The following PARP9 variants were observed in gnomAD, a reference collection of about 807,000 sequenced individuals.
The protein encoded by PARP9 is poly(ADP-ribose) polymerase family member 9.
In PARP9, 48 loss-of-function variants were observed where a neutral mutation model predicts 68.8. The ratio of observed to expected loss-of-function variants is 0.70; its 90% CI spans 0.55 to 0.89. The LOEUF (loss-of-function observed/expected upper bound fraction) is 0.89, where lower values mean the gene tolerates loss of function less well. PARP9 is among the 40% of genes least tolerant of loss of function. PARP9 has a pLI of 0.00. For missense variants in PARP9, 806 were observed against 969.3 expected (o/e 0.83, Z 2.24); for synonymous variants, 309 against 333.8 (o/e 0.93, Z 0.81).
rs780243506 is a variant in PARP9, at chr3:122,550,571, G to C, written c.1326+13C>G. The C allele has an allele frequency of 1.9e-6, 3 of 1,571,270 alleles. No homozygotes were observed. The highest frequency in any genetic ancestry group is 2.6e-6 in the Non-Finnish European group (3 of 1,144,084). ...TGAATGAACAGTAGGACATTTCTAA[G>C]ATATTAACTTACCTTATATATCTCC... On this transcript the variant is annotated intron_variant, in intron 6 of 10. Coordinates refer to ENST00000682323, the MANE Select transcript of PARP9 (RefSeq NM_001146105.2).
chr3:122,535,287 C>G (rs2077560079), intron 10 of PARP9: 2 of 985,328 alleles, frequency 2.0e-6, no homozygotes, highest in Middle Eastern at 5.2e-4. Context: ...CAGTAATTGT[C>G]TATGTTCAAC....
At chr3:122,543,715 G>A (rs1352190352) in intron 7 of PARP9, among the ~76,000 whole-genome samples, 1 of 152,176 alleles carries the variant, frequency 6.6e-6, no homozygotes, top group Non-Finnish European at 1.5e-5. Context: ...GGGCTTAGGT[G>A]ATCCTCCCAT....
chr3:122,530,963 C>T (rs2077267146), intron 10 of PARP9, among the ~76,000 whole-genome samples: 1 of 152,134 alleles, frequency 6.6e-6, no homozygotes, highest in East Asian at 1.9e-4. Context: ...CTCTAGTAGC[C>T]ACATTTTAAA....
upstream of PARP9, chr3:122,564,368 C>T: frequency 5.2e-6 from 8 of 1,532,958 alleles, no homozygotes; most frequent in South Asian, 9.6e-5. Context: ...CAGGGCGGGC[C>T]GCGCCTTTAC....
At chr3:122,543,579 T>C (rs772857837) in intron 7 of PARP9, among the ~76,000 whole-genome samples, 13 of 151,958 alleles carry the variant, frequency 8.6e-5, no homozygotes, top group Non-Finnish European at 1.5e-4. Flanking sequence ...GCCCGGCCCT[T>C]CCTAAATAGT....
intron 3 of PARP9, 196 bp downstream of exon 3, chr3:122,558,238 T>G: frequency 6.9e-7 from 1 of 1,439,088 alleles, no homozygotes; most frequent in East Asian, 2.3e-5. Flanking sequence ...AGAGGAATGG[T>G]GTAGGCCTTG....
chr3:122,558,096 C>A lies in PARP9; in HGVS notation c.49+338G>T, dbSNP rs56751090. On this transcript the variant is annotated intron_variant, in intron 3 of 10. Transcript: ENST00000682323. The stretch of plus-strand genomic sequence containing the variant: ...TTGGTTGAAAATCTTTAATGGGGGA[C>A]CCCTGGAATTAGGCCAGAACTATTT... Among the ~76,000 whole-genome samples the A allele has an allele frequency of 1.4e-4, 22 of 152,276 alleles. No individual in the cohort carries two copies. In the East Asian group the frequency reaches 2.3e-3, roughly 16 times the overall value.
chr3:122,534,465 G>C, intron 10 of PARP9: 1 of 981,884 alleles, frequency 1.0e-6, no homozygotes, highest in Non-Finnish European at 1.2e-6. Context: ...TGAGCCAGTG[G>C]CTGTTGTGTG....
Position 122,556,301 on chromosome 3 carries a change from C to T in PARP9, c.50-180G>A, listed in dbSNP as rs9859250. 1.5e-3 allele frequency among the ~76,000 whole-genome samples: 229 copies of T among 151,830 alleles called. 4 individuals are homozygous for T. The highest frequency in any genetic ancestry group is 5.1e-3 in the African/African-American group (212 of 41,374). ...CTCAACTACACATATAATTAGACCA[C>T]GGACATCTAAGAGTTTTCAGTGGTA... On this transcript the variant is annotated intron_variant, in intron 3 of 10. Coordinates refer to ENST00000682323, the MANE Select transcript of PARP9 (RefSeq NM_001146105.2).
Position 122,528,161 on chromosome 3 carries a change from G to T in PARP9, c.*203C>A. ...GAAGGTCCTGAAAGTGTTTCATTTG[G>T]TATCTACCTACCCCAACCCCAAGAC... On this transcript the variant is annotated 3_prime_UTR_variant, in exon 11 of 11. Transcript: ENST00000682323. 2.0e-6 allele frequency: 1 copy of T among 502,562 alleles called. No homozygotes were observed. The highest frequency in any genetic ancestry group is 3.4e-6 in the Non-Finnish European group (1 of 297,224). The allele number at this position is 502,562 out of a possible 1,614,324, so 31.1% of individuals were successfully genotyped here.
rs901723317 is a variant in PARP9, at chr3:122,555,148, A to G, written c.885+138T>C. ...GCTCTCAAGTAGCTGGGTTACAGGCATGTACCACTGCATCTGGCTCATATT... is the reference window on the plus strand; with the variant it reads ...GCTCTCAAGTAGCTGGGTTACAGGCGTGTACCACTGCATCTGGCTCATATT... On this transcript the variant is annotated intron_variant, in intron 4 of 10. Transcript: ENST00000682323. 19 of 900,392 alleles carry G rather than the reference A, an allele frequency of 2.1e-5. No homozygotes were observed. In the Admixed American group the frequency reaches 5.6e-4, roughly 27 times the overall value. 55.8% of individuals were successfully genotyped at this position (900,392 alleles called of 1,614,324 possible). A position where few individuals can be genotyped will look rare whatever the true frequency, so the allele number is the denominator to read the frequency against.
chr3:122,543,280 G>GT (rs2078410698), intron 7 of PARP9, among the ~76,000 whole-genome samples: 1 of 151,172 alleles, frequency 6.6e-6, no homozygotes, highest in Admixed American at 6.6e-5. Context: ...TTGTTTGTTT[G>GT]TTTTTTGTTT....
chr3:122,550,569 A>C lies in PARP9; in HGVS notation c.1326+15T>G. ...AATGAATGAACAGTAGGACATTTCT[A>C]AGATATTAACTTACCTTATATATCT... On this transcript the variant is annotated intron_variant, in intron 6 of 10. Transcript: ENST00000682323. 1.3e-6 allele frequency: 2 copies of C among 1,562,140 alleles called. No individual in the cohort carries two copies. Among genetic ancestry groups the C allele is most frequent in the East Asian group, 4.5e-5 (2 of 44,610 alleles).
intron 4 of PARP9, among the ~76,000 whole-genome samples, chr3:122,552,912 C>T (rs2079329729): frequency 6.6e-6 from 1 of 152,018 alleles, no homozygotes. Flanking sequence ...TGCTGTATTA[C>T]CTTACCAGAT....
intron 6 of PARP9, among the ~76,000 whole-genome samples, chr3:122,549,100 C>T (rs1053724200): frequency 3.3e-5 from 5 of 152,022 alleles, no homozygotes; most frequent in African/African-American, 4.8e-5. Flanking sequence ...CTCCAACCTC[C>T]GCCTCCTGGG....
chr3:122,547,049 C>T (rs1286901518), intron 6 of PARP9, among the ~76,000 whole-genome samples: 4 of 136,422 alleles, frequency 2.9e-5, no homozygotes, highest in Admixed American at 7.6e-5. Context: ...TACATACACA[C>T]ATATATATAC....
chr3:122,540,703 CAAT>C lies in PARP9; in HGVS notation c.1531_1533del (p.Ile511del). On this transcript the variant is annotated inframe_deletion, in exon 8 of 11. Transcript: ENST00000682323. ...CCAAGGTACAGAATATGATTATTCTCAATGATGTGGTGGTTCTGGAGACTCAGG... is the reference window on the plus strand; with the variant it reads ...CCAAGGTACAGAATATGATTATTCTCGATGTGGTGGTTCTGGAGACTCAGG... The C allele has an allele frequency of 1.9e-6, 3 of 1,614,096 alleles. No homozygotes were observed. The highest frequency in any genetic ancestry group is 2.5e-6 in the Non-Finnish European group (3 of 1,180,024).
At chr3:122,529,233 T>TAA (rs1559792207) in intron 10 of PARP9, among the ~76,000 whole-genome samples, 3 of 74,472 alleles carry the variant, frequency 4.0e-5, no homozygotes, top group Non-Finnish European at 8.7e-5. Flanking sequence ...AGCGAAACTC[T>TAA]TAAAAAAAAA....
At chr3:122,553,662 G>A (rs2079398121) in intron 4 of PARP9, among the ~76,000 whole-genome samples, 1 of 152,080 alleles carries the variant, frequency 6.6e-6, no homozygotes, top group African/African-American at 2.4e-5. Flanking sequence ...TTGTCTTATA[G>A]GCAATAAGTG....
Sources: gnomAD v4.1 joint callset for allele counts (sites outside exome capture counted in the v4.1 genomes callset) on GRCh38, gnomAD v4.1.1 for gene constraint, MANE v1.5 for transcripts, NCBI Gene and HGNC (gene_info 2026-07-23, HGNC 2026-07-21) for gene names.